Variants in DENND1B observed in about 807,000 individuals in gnomAD.
DENND1B encodes the protein DENN domain-containing protein 1B.
DENND1B carries 59 observed loss-of-function variants against 90.1 expected under a neutral mutation model. The observed-to-expected ratio is 0.65, with a 90% confidence interval of 0.53 to 0.81. The LOEUF (loss-of-function observed/expected upper bound fraction) is 0.81. DENND1B is among the 40% of genes least tolerant of loss of function. The pLI, the probability that DENND1B is intolerant of heterozygous loss-of-function variation, is 0.00. For missense variants in DENND1B, 862 were observed against 912.6 expected (o/e 0.94, Z 0.71); for synonymous variants, 337 against 324.6 (o/e 1.04, Z -0.41).
At chr1:197,716,806 A>G (rs951015712) in intron 2 of DENND1B, among the ~76,000 whole-genome samples, 3 of 151,966 alleles carry the variant, frequency 2.0e-5, no homozygotes, top group Non-Finnish European at 2.9e-5. Context: ...TTACTATTTG[A>G]GAAGATGTTT....
At chr1:197,629,262 G>C (rs1346925184) in intron 10 of DENND1B, among the ~76,000 whole-genome samples, 1 of 151,898 alleles carries the variant, frequency 6.6e-6, no homozygotes, top group Non-Finnish European at 1.5e-5. Context: ...CAATAGCAAA[G>C]ACTTGGAACC....
intron 15 of DENND1B, among the ~76,000 whole-genome samples, chr1:197,566,954 G>T (rs541858344): frequency 1.4e-4 from 22 of 151,992 alleles, no homozygotes; most frequent in Admixed American, 1.4e-3. Flanking sequence ...TTCCTAGAGG[G>T]ACAGTAAATC....
intron 1 of DENND1B, among the ~76,000 whole-genome samples, chr1:197,774,785 G>C (rs1657063529): frequency 6.6e-6 from 1 of 152,238 alleles, no homozygotes; most frequent in Non-Finnish European, 1.5e-5. Flanking sequence ...CCCCAGGAGA[G>C]TCACATCTGA....
chr1:197,681,360 T>G (rs1656674704), intron 3 of DENND1B, among the ~76,000 whole-genome samples: 1 of 152,172 alleles, frequency 6.6e-6, no homozygotes, highest in Admixed American at 6.5e-5. Flanking sequence ...AAAGCTTACT[T>G]TGGACTACTA....
intron 6 of DENND1B, among the ~76,000 whole-genome samples, chr1:197,653,869 C>A (rs571870895): frequency 6.6e-6 from 1 of 152,178 alleles, no homozygotes; most frequent in East Asian, 1.9e-4. Flanking sequence ...CATGTACATT[C>A]ACAAAAACAA....
chr1:197,678,811 G>A (rs1359096613), intron 3 of DENND1B, among the ~76,000 whole-genome samples: 3 of 152,120 alleles, frequency 2.0e-5, no homozygotes, highest in Non-Finnish European at 4.4e-5. Context: ...CCTGTGTTAA[G>A]TTTTCTGAGG....
intron 15 of DENND1B, among the ~76,000 whole-genome samples, chr1:197,575,001 G>C (rs1204302613): frequency 6.6e-6 from 1 of 152,086 alleles, no homozygotes; most frequent in Non-Finnish European, 1.5e-5. Flanking sequence ...AGAAAACCTA[G>C]GCAATACCAT....
intron 3 of DENND1B, among the ~76,000 whole-genome samples, chr1:197,714,302 C>CA (rs941272030): frequency 5.9e-5 from 9 of 151,346 alleles, no homozygotes; most frequent in Admixed American, 2.6e-4. Context: ...AAAAAATTGG[C>CA]AAAAAAATCC....
intron 3 of DENND1B, among the ~76,000 whole-genome samples, chr1:197,700,285 A>G (rs1658891464): frequency 6.6e-6 from 1 of 152,144 alleles, no homozygotes; most frequent in Admixed American, 6.5e-5. Context: ...AGACCAATGG[A>G]ACAGAAAAGA....
rs1571665063 is a variant in DENND1B, at chr1:197,505,991, TACA to T, written c.*4466_*4468del. On this transcript the variant is annotated 3_prime_UTR_variant, in exon 23 of 23. Transcript: ENST00000620048. The stretch of plus-strand genomic sequence containing the variant: ...TTGTTGCTGAGGCAGTTAGTTATGA[TACA>T]ACAACACAATATCCATAATAATTTT... 1.3e-5 allele frequency: 2 copies of T among 151,734 alleles called. No individual in the cohort carries two copies. The highest frequency in any genetic ancestry group is 4.1e-4 in the South Asian group (2 of 4,824). 9.4% of individuals were successfully genotyped at this position (151,734 alleles called of 1,614,324 possible).
intron 2 of DENND1B, among the ~76,000 whole-genome samples, chr1:197,749,132 C>A (rs1319140523): frequency 6.6e-6 from 1 of 151,686 alleles, no homozygotes; most frequent in African/African-American, 2.4e-5. Context: ...AAAAATAAAA[C>A]AGAGTCCCTG....
intron 20 of DENND1B, among the ~76,000 whole-genome samples, chr1:197,518,716 A>G (rs1668568962): frequency 6.6e-6 from 1 of 151,906 alleles, no homozygotes; most frequent in Admixed American, 6.6e-5. Context: ...ATGCAAACTC[A>G]AGAAGGCTTA....
At chr1:197,721,253 G>A (rs188313092) in intron 2 of DENND1B, among the ~76,000 whole-genome samples, 9 of 151,676 alleles carry the variant, frequency 5.9e-5, no homozygotes. Flanking sequence ...TTTATTTTTA[G>A]TAGAGACAGG....
intron 2 of DENND1B, chr1:197,757,429 C>T (rs1654450163): frequency 6.6e-6 from 1 of 152,154 alleles, no homozygotes; most frequent in African/African-American, 2.4e-5. Context: ...CATATTGATC[C>T]CCTCAACCCT....
intron 18 of DENND1B, among the ~76,000 whole-genome samples, chr1:197,544,357 G>A (rs760594715): frequency 6.6e-5 from 10 of 152,174 alleles, no homozygotes; most frequent in Middle Eastern, 3.4e-3. Flanking sequence ...AAAGGGCAGA[G>A]GAGAATATCT....
chr1:197,677,889 T>C (rs139697014), intron 3 of DENND1B, among the ~76,000 whole-genome samples: 5 of 152,316 alleles, frequency 3.3e-5, no homozygotes, highest in African/African-American at 9.6e-5. Context: ...GCTAAATTCG[T>C]TGGCTTTTTC....
chr1:197,666,001 A>G (rs889492903), intron 5 of DENND1B, among the ~76,000 whole-genome samples: 1 of 152,178 alleles, frequency 6.6e-6, no homozygotes, highest in Non-Finnish European at 1.5e-5. Flanking sequence ...ATGCTTCAGT[A>G]TAAAGGCACT....
chr1:197,750,086 A>C (rs192606366), intron 2 of DENND1B, among the ~76,000 whole-genome samples: 1 of 152,244 alleles, frequency 6.6e-6, no homozygotes, highest in East Asian at 1.9e-4. Flanking sequence ...GTCTCAAGCA[A>C]TCCTCCCACC....
At chr1:197,643,943 T>C (rs994648996) in intron 9 of DENND1B, among the ~76,000 whole-genome samples, 1 of 152,230 alleles carries the variant, frequency 6.6e-6, no homozygotes, top group Admixed American at 6.5e-5. Flanking sequence ...TCAGGTGGGC[T>C]ATGACCTAGT....
Sources: gnomAD v4.1 joint callset for allele counts (sites outside exome capture counted in the v4.1 genomes callset) on GRCh38, gnomAD v4.1.1 for gene constraint, MANE v1.5 for transcripts, NCBI Gene and HGNC (gene_info 2026-07-23, HGNC 2026-07-21) for gene names.